The following KCNH1 variants were observed in gnomAD, a reference collection of about 807,000 sequenced individuals.
KCNH1 encodes voltage-gated delayed rectifier potassium channel KCNH1.
Under a neutral mutation model 69.2 loss-of-function variants are expected in KCNH1, and 27 were observed. The observed-to-expected ratio is 0.39, with a 90% CI of 0.29 to 0.54. The LOEUF (loss-of-function observed/expected upper bound fraction) is 0.54. Among genes scored for constraint, KCNH1 ranks in the 20% least tolerant of loss-of-function variants. The pLI is 0.68. For synonymous variants in KCNH1, 456 were observed against 487.7 expected (o/e 0.93, Z 0.86); for missense variants, 798 against 1,261.6 (o/e 0.63, Z 5.57).
intron 7 of KCNH1, among the ~76,000 whole-genome samples, chr1:210,828,813 C>A (rs1685093405): frequency 6.6e-6 from 1 of 152,196 alleles, no homozygotes; most frequent in Non-Finnish European, 1.5e-5. Context: ...AGGACAGCAG[C>A]AGCTAATGCT....
At chr1:210,696,741 G>A (rs775195455) in intron 10 of KCNH1, among the ~76,000 whole-genome samples, 19 of 152,188 alleles carry the variant, frequency 1.2e-4, no homozygotes, top group Non-Finnish European at 2.2e-4. Flanking sequence ...GAGAGGGCAT[G>A]TTTCTTCCTT....
chr1:210,763,296 C>T (rs770761604), intron 10 of KCNH1, among the ~76,000 whole-genome samples: 8 of 152,034 alleles, frequency 5.3e-5, no homozygotes, highest in Non-Finnish European at 8.8e-5. Context: ...CAGAAACATT[C>T]GCCCTAAGAA....
At chr1:211,118,051 T>C (rs1327238530) in intron 1 of KCNH1, among the ~76,000 whole-genome samples, 5 of 152,184 alleles carry the variant, frequency 3.3e-5, no homozygotes, top group African/African-American at 7.2e-5. Context: ...TTTTGCTCAA[T>C]GGAATTGTTT....
At chr1:211,056,257 A>G (rs1243135873) in intron 5 of KCNH1, among the ~76,000 whole-genome samples, 1 of 152,186 alleles carries the variant, frequency 6.6e-6, no homozygotes, top group Non-Finnish European at 1.5e-5. Flanking sequence ...GAACATCGGC[A>G]GTAGCCAGGC....
At chr1:210,793,019 A>G (rs192504648) in intron 9 of KCNH1, among the ~76,000 whole-genome samples, 2 of 152,366 alleles carry the variant, frequency 1.3e-5, no homozygotes, top group Non-Finnish European at 2.9e-5. Flanking sequence ...TGATTTCTAT[A>G]AAAAATTAAA....
In KCNH1 at chr1:210,917,279, GA is replaced by G. The variant is rs377560590; in HGVS notation, c.1462+2360del. Among the ~76,000 whole-genome samples the G allele has an allele frequency of 3.2e-3, 450 of 139,386 alleles. 3 individuals carry two copies. The highest frequency in any genetic ancestry group is 0.015 in the East Asian group (73 of 4,774). The allele number at this position is 139,386 out of a possible 152,430, so 91.4% of individuals were successfully genotyped here. A position where few individuals can be genotyped will look rare whatever the true frequency, so the allele number is the denominator to read the frequency against. ...AGAAAGAAAGAAAGAAAGAAAGAAA[GA>G]AAAGAAAAGAAAGAGAAACACAGAG... On this transcript the variant is annotated intron_variant, in intron 7 of 10. Transcript: ENST00000271751.
intron 6 of KCNH1, among the ~76,000 whole-genome samples, chr1:211,009,215 C>T (rs1689348569): frequency 6.6e-6 from 1 of 152,112 alleles, no homozygotes; most frequent in African/African-American, 2.4e-5. Flanking sequence ...GAGATCTGAC[C>T]ATTAGATTTG....
chr1:210,893,621 C>G (rs964115429), intron 7 of KCNH1, among the ~76,000 whole-genome samples: 5 of 151,982 alleles, frequency 3.3e-5, no homozygotes, highest in Non-Finnish European at 7.4e-5. Context: ...CTCTCTGTCT[C>G]TCTCATCCTT....
chr1:211,089,339 A>G (rs1691011897), intron 4 of KCNH1, among the ~76,000 whole-genome samples: 1 of 152,220 alleles, frequency 6.6e-6, no homozygotes, highest in Admixed American at 6.5e-5. Context: ...ATCTGTAAGA[A>G]AAGGGAGACT....
chr1:210,760,091 TC>T, intron 10 of KCNH1, among the ~76,000 whole-genome samples: 2 of 152,174 alleles, frequency 1.3e-5, no homozygotes, highest in East Asian at 3.9e-4. Context: ...CCTGAAACCA[TC>T]CCTGCCACCC....
intron 10 of KCNH1, among the ~76,000 whole-genome samples, chr1:210,733,060 T>C (rs1309084070): frequency 6.6e-6 from 1 of 152,188 alleles, no homozygotes; most frequent in Non-Finnish European, 1.5e-5. Context: ...AACAGACCCC[T>C]TTCTCCTTGC....
rs1685778451 is a variant in KCNH1, at chr1:210,854,236, A to C, written c.1463-50070T>G. Among the ~76,000 whole-genome samples the C allele has an allele frequency of 2.0e-5, 3 of 152,320 alleles. No homozygotes were observed. In the East Asian group the frequency reaches 5.8e-4, roughly 29 times the overall value. On this transcript the variant is annotated intron_variant, in intron 7 of 10. Coordinates refer to ENST00000271751, the MANE Select transcript of KCNH1 (RefSeq NM_172362.3). ...TCCTCCCAATCTCAATATATTATCA[A>C]GTCATAATGAATAAGTTTATATCTC...
chr1:210,738,777 G>A (rs1682945511), intron 10 of KCNH1, among the ~76,000 whole-genome samples: 1 of 151,584 alleles, frequency 6.6e-6, no homozygotes. Context: ...TGTTTCCCAG[G>A]CTGATCTTGA....
intron 7 of KCNH1, among the ~76,000 whole-genome samples, chr1:210,838,219 C>T (rs1283247720): frequency 6.6e-6 from 1 of 152,076 alleles, no homozygotes; most frequent in Non-Finnish European, 1.5e-5. Flanking sequence ...CTTGGACAAA[C>T]CTGACAAAAA....
At chr1:210,970,753 C>T (rs1254133727) in intron 6 of KCNH1, among the ~76,000 whole-genome samples, 1 of 152,012 alleles carries the variant, frequency 6.6e-6, no homozygotes, top group Admixed American at 6.6e-5. Flanking sequence ...ATGAAATCAC[C>T]AAAAGCAACT....
chr1:211,054,975 C>A (rs919471387), intron 5 of KCNH1, among the ~76,000 whole-genome samples: 1 of 151,908 alleles, frequency 6.6e-6, no homozygotes, highest in African/African-American at 2.4e-5. Flanking sequence ...AGAATAAGAA[C>A]CATAAAAAGA....
rs569603979 is a variant in KCNH1, at chr1:210,958,411, A to G, written c.1033-38342T>C. ...CTTGGGGTTGCTCTTCTCAAAAAGT[A>G]TCTTTGTGGGGTTCTCTGTATTTCC... On this transcript the variant is annotated intron_variant, in intron 6 of 10. Transcript: ENST00000271751. Among the ~76,000 whole-genome samples, 8 of 152,214 alleles carry G rather than the reference A, an allele frequency of 5.3e-5. No individual in the cohort carries two copies. The South Asian group carries it at 6.2e-4, about 12-fold the overall frequency.
At chr1:210,728,149 A>G (rs1257954027) in intron 10 of KCNH1, among the ~76,000 whole-genome samples, 1 of 152,220 alleles carries the variant, frequency 6.6e-6, no homozygotes. Context: ...GAAGGTTGGT[A>G]AACAACTGCT....
intron 5 of KCNH1, among the ~76,000 whole-genome samples, chr1:211,076,232 G>A (rs1250822339): frequency 6.6e-6 from 1 of 152,208 alleles, no homozygotes; most frequent in Non-Finnish European, 1.5e-5. Flanking sequence ...GAGAGCAGTG[G>A]TTCTCCCAGC....
Sources: allele counts gnomAD v4.1 joint callset (sites outside exome capture counted in the v4.1 genomes callset), GRCh38; gene constraint gnomAD v4.1.1; transcripts MANE v1.5; gene names NCBI Gene and HGNC (gene_info 2026-07-23, HGNC 2026-07-21).